The following CFAP99 variants were observed in gnomAD, a reference collection of about 807,000 sequenced individuals.
CFAP99 encodes the protein cilia- and flagella-associated protein 99.
CFAP99 carries 84 observed loss-of-function variants against 82.7 expected under a neutral mutation model. That is an observed-to-expected ratio of 1.02 (90% CI 0.85 to 1.22). The LOEUF is 1.22. Among genes scored for constraint, CFAP99 ranks in the 50% most tolerant of loss-of-function variants. The pLI is 0.00. For missense variants in CFAP99, 1,059 were observed against 983.5 expected, an observed-to-expected ratio of 1.08 and a Z score of -1.03; for synonymous variants, 456 against 429.5, an observed-to-expected ratio of 1.06 and a Z score of -0.76.
At chr4:2,424,576 C>A (rs1243449612) in intron 1 of CFAP99, among the ~76,000 whole-genome samples, 1 of 152,236 alleles carries the variant, frequency 6.6e-6, no homozygotes, top group Admixed American at 6.5e-5. Flanking sequence ...AGCCTCTTTC[C>A]CTAACTGTGC....
exon 13 of CFAP99, chr4:2,459,217 A>T: frequency 6.5e-7 from 1 of 1,535,636 alleles, no homozygotes; most frequent in South Asian, 1.2e-5. Flanking sequence ...CGCACTCGAG[A>T]CACAGCCCAC....
chr4:2,438,639 T>G (rs1197130144), intron 4 of CFAP99, among the ~76,000 whole-genome samples: 2 of 152,076 alleles, frequency 1.3e-5, no homozygotes, highest in African/African-American at 4.8e-5. Context: ...GCATGGTGGC[T>G]CCCGTCTGTA....
intron 2 of CFAP99, among the ~76,000 whole-genome samples, chr4:2,433,528 C>T (rs554601770): frequency 6.6e-6 from 1 of 152,052 alleles, no homozygotes; most frequent in African/African-American, 2.4e-5. Flanking sequence ...TCAGAGCCAG[C>T]CCCCCGCAGG....
intron 8 of CFAP99, chr4:2,450,282 G>A (rs1268127673): frequency 4.0e-5 from 20 of 501,526 alleles, no homozygotes; most frequent in Non-Finnish European, 5.4e-5. Flanking sequence ...CAGATGTTCC[G>A]TGACAAGCAT....
chr4:2,437,258 ATCC>A (rs1733938008), intron 3 of CFAP99, among the ~76,000 whole-genome samples: 1 of 152,186 alleles, frequency 6.6e-6, no homozygotes, highest in Non-Finnish European at 1.5e-5. Flanking sequence ...AGTTTAGGGC[ATCC>A]AGCTCCCAAA....
intron 14 of CFAP99, 77 bp downstream of exon 14, chr4:2,460,319 T>A: frequency 1.5e-6 from 2 of 1,354,714 alleles, no homozygotes; most frequent in South Asian, 2.5e-5. Flanking sequence ...CCCTCCTGGG[T>A]GGGTCTCCTA....
chr4:2,447,435 G>C (rs1223307943), intron 6 of CFAP99, among the ~76,000 whole-genome samples: 2 of 151,364 alleles, frequency 1.3e-5, no homozygotes, highest in Non-Finnish European at 2.9e-5. Context: ...GTGATCAGTT[G>C]GATGGATAGA....
chr4:2,433,281 G>A (rs147541995), intron 2 of CFAP99, among the ~76,000 whole-genome samples: 23 of 152,294 alleles, frequency 1.5e-4, no homozygotes, highest in South Asian at 8.3e-4. Flanking sequence ...CGGAGTCGCC[G>A]GTGCCTGAGC....
chr4:2,458,954 C>T, intron 12 of CFAP99, 90 bp downstream of exon 12: 1 of 1,471,422 alleles, frequency 6.8e-7, no homozygotes, highest in Non-Finnish European at 9.0e-7. Context: ...GCCACTATGG[C>T]TGTCCAGGGT....
rs146154713 is a variant in CFAP99 at position 2,446,368 on chromosome 4, GTTATTATTATTATTATTATTATTA to G, written c.642+1078_642+1101del. On this transcript the variant is annotated intron_variant, in intron 6 of 14. Transcript: ENST00000635017. This position sits in a 1 kb window ranked among gnomAD's most constrained non-coding sequence, Gnocchi z 5.0. Reference sequence around the variant, plus strand: ...CTTTTTATTTCATTTTATTATTGTTGTTATTATTATTATTATTATTATTATTATTATTATTATTATTTGAGACAG... The same window carrying G: ...CTTTTTATTTCATTTTATTATTGTTGTTATTATTATTATTATTTGAGACAG... Among the ~76,000 whole-genome samples, 1,606 of 148,490 alleles carry G rather than the reference GTTATTATTATTATTATTATTATTA, an allele frequency of 0.011. 12 individuals carry two copies. Among genetic ancestry groups the G allele is most frequent in the African/African-American group, 0.02 (786 of 40,102 alleles).
chr4:2,451,788 G>A (rs1425998561), intron 10 of CFAP99, among the ~76,000 whole-genome samples: 1 of 152,218 alleles, frequency 6.6e-6, no homozygotes, highest in African/African-American at 2.4e-5. Context: ...CGCACAGATG[G>A]TGCACAGGGG....
At position 2,437,330 on chromosome 4, in the gene CFAP99, G is replaced by A. The variant is rs979040590; in HGVS notation, c.256+312G>A. 1.3e-5 allele frequency among the ~76,000 whole-genome samples: 2 copies of A among 152,196 alleles called. 1 individual carries two copies. Among genetic ancestry groups the A allele is most frequent in the South Asian group, 4.1e-4 (2 of 4,836 alleles). On this transcript the variant is annotated intron_variant, in intron 3 of 14. Transcript: ENST00000635017. ...CTGACCCCTAGCCACCACTGACCCC[G>A]AGGCCTTTGGACAAGATGGACCCTG...
chr4:2,452,462 G>A (rs1734328707), intron 11 of CFAP99, 116 bp downstream of exon 11: 2 of 1,094,622 alleles, frequency 1.8e-6, no homozygotes, highest in African/African-American at 1.6e-5. Flanking sequence ...CCCCGTAGAA[G>A]CTACTGATGT....
intron 4 of CFAP99, among the ~76,000 whole-genome samples, chr4:2,439,247 T>C (rs1295807100): frequency 5.3e-5 from 8 of 152,230 alleles, no homozygotes; most frequent in Non-Finnish European, 1.0e-4. Context: ...ATAAGTAATC[T>C]GCCCAATGTC....
intron 11 of CFAP99, among the ~76,000 whole-genome samples, chr4:2,458,358 C>A (rs973251791): frequency 6.6e-6 from 1 of 152,126 alleles, no homozygotes; most frequent in Admixed American, 6.6e-5. Context: ...TATTCCACGT[C>A]CCCCCTACCC....
rs959670183 is a variant in CFAP99, at chr4:2,462,728, C to G, written c.1947C>G (p.Ser649=). Residue 649 remains serine (S), a synonymous_variant, in exon 15 of 15, where the codon TCC becomes TCG. Coordinates refer to ENST00000635017, the Ensembl canonical transcript of CFAP99. The surrounding 1 kb of genome is among the most constrained non-coding windows in gnomAD (Gnocchi z 4.1). ...GATGGCGGGGAGATCGGGTCCGGTC[C>G]GCGGCCGGGAGATACGCAGCGGCGG... 2 of 1,241,226 alleles carry G rather than the reference C, an allele frequency of 1.6e-6. No homozygotes were observed. The highest frequency in any genetic ancestry group is 3.2e-5 in the African/African-American group (2 of 63,388). 76.9% of individuals were successfully genotyped at this position (1,241,226 alleles called of 1,614,324 possible). A position where few individuals can be genotyped will look rare whatever the true frequency, so the allele number is the denominator to read the frequency against.
intron 13 of CFAP99, 135 bp downstream of exon 13, chr4:2,459,393 C>A: frequency 9.3e-7 from 1 of 1,075,426 alleles, no homozygotes; most frequent in Non-Finnish European, 1.3e-6. Context: ...CGCCACCCTC[C>A]GTGACTCAAC....
intron 4 of CFAP99, among the ~76,000 whole-genome samples, chr4:2,439,273 A>G (rs1400028575): frequency 1.3e-5 from 2 of 152,224 alleles, no homozygotes; most frequent in African/African-American, 4.8e-5. Flanking sequence ...GCAAGAGGGT[A>G]GCGCAGCCAA....
At chr4:2,459,210 A>G (rs1206550505) in exon 13 of CFAP99, 5 of 1,535,498 alleles carry the variant, frequency 3.3e-6, no homozygotes, top group South Asian at 1.2e-5. Flanking sequence ...AGCTGCGCGC[A>G]CTCGAGACAC....
Sources: allele counts gnomAD v4.1 joint callset (sites outside exome capture counted in the v4.1 genomes callset), GRCh38; gene constraint gnomAD v4.1.1; non-coding constraint Gnocchi (gnomAD v3.1); transcripts MANE v1.5; gene names NCBI Gene and HGNC (gene_info 2026-07-23, HGNC 2026-07-21).